ATP2A1: variants seen among roughly 807,000 people sequenced by gnomAD.
The protein encoded by ATP2A1 is sarcoplasmic/endoplasmic reticulum calcium ATPase 1.
ATP2A1 carries 83 observed loss-of-function variants against 109.5 expected under a neutral mutation model. The ratio of observed to expected loss-of-function variants is 0.76; its 90% CI spans 0.63 to 0.91. The LOEUF (loss-of-function observed/expected upper bound fraction) is 0.91. ATP2A1 is among the 40% of genes least tolerant of loss of function. ATP2A1 has a pLI of 0.00. For synonymous variants in ATP2A1, 505 were observed against 537.6 expected (o/e 0.94, Z 0.84); for missense variants, 1,101 against 1,341.0 (o/e 0.82, Z 2.80).
chr16:28,882,559 A>G lies in ATP2A1; in HGVS notation c.433A>G (p.Ile145Val), dbSNP rs1307339770. 1.9e-6 allele frequency: 3 copies of G among 1,614,230 alleles called. No individual in the cohort carries two copies. Among genetic ancestry groups the G allele is most frequent in the Admixed American group, 1.7e-5 (1 of 60,038 alleles). The change falls in exon 5 of 23, where the codon ATC becomes GTC. Residue 145 changes from isoleucine to valine, a missense_variant. Coordinates refer to ENST00000395503, the MANE Select transcript of ATP2A1 (RefSeq NM_004320.6). Reference protein sequence around the residue: ...KSVQRIKARDIVPGDIVEVAV... With the variant: ...KSVQRIKARDVVPGDIVEVAV... ...AGTGCAAAGGATCAAGGCTCGGGAC[A>G]TCGTCCCTGGGGACATCGTGGAGGT...
intron 9 of ATP2A1, among the ~76,000 whole-genome samples, chr16:28,893,824 AT>A (rs1486666766): frequency 4.0e-5 from 6 of 151,628 alleles, no homozygotes; most frequent in Non-Finnish European, 8.8e-5. Flanking sequence ...TAATTTTTGT[AT>A]TTTTAGTAGA....
At chr16:28,882,676 G>A in intron 5 of ATP2A1, 87 bp downstream of exon 5, 1 of 1,567,926 alleles carries the variant, frequency 6.4e-7, no homozygotes, top group Non-Finnish European at 8.7e-7. Context: ...CTCGGATCCA[G>A]GTGTCCAGGA....
At chr16:28,879,160 C>T (rs554670861) in intron 2 of ATP2A1, 44 bp downstream of exon 2, 1 of 1,610,174 alleles carries the variant, frequency 6.2e-7, no homozygotes, top group Non-Finnish European at 8.5e-7. Flanking sequence ...GACCACCCCC[C>T]ACCCCGCCCT....
In ATP2A1 at chr16:28,878,534, G is replaced by T; in HGVS notation, c.-138G>T. 1 of 812,082 alleles carries T rather than the reference G, an allele frequency of 1.2e-6. No individual in the cohort carries two copies. The allele number at this position is 812,082 out of a possible 1,614,324, so 50.3% of individuals were successfully genotyped here. Reference sequence around the variant, plus strand: ...GGGGGTCAGAGCTTTGTGGAGGGAAGAAAAACCTGGAGGGGGCAGGAGAGT... The same window carrying T: ...GGGGGTCAGAGCTTTGTGGAGGGAATAAAAACCTGGAGGGGGCAGGAGAGT... On this transcript the variant is annotated 5_prime_UTR_variant, in exon 1 of 23. Coordinates refer to ENST00000395503, the MANE Select transcript of ATP2A1 (RefSeq NM_004320.6).
chr16:28,893,055 G>T (rs950657717), intron 9 of ATP2A1, among the ~76,000 whole-genome samples: 104 of 149,202 alleles, frequency 7.0e-4, no homozygotes, highest in African/African-American at 2.3e-3. Flanking sequence ...AAAAAGAATT[G>T]CCCATATATT....
intron 6 of ATP2A1, among the ~76,000 whole-genome samples, chr16:28,886,762 G>A (rs148212699): frequency 0.051 from 7,694 of 151,008 alleles, 675 homozygotes; most frequent in African/African-American, 0.18. Context: ...TGAGGTGGGC[G>A]GATCACTTGA....
Position 28,887,608 on chromosome 16 carries a change from T to C in ATP2A1, c.814T>C (p.Trp272Arg). The change falls in exon 8 of 23, where the codon TGG becomes CGG. Residue 272 changes from tryptophan (W) to arginine (R), a missense_variant. Physicochemically the swap from Trp to Arg is moderately radical, Grantham distance 101 (BLOSUM62 -3). Transcript: ENST00000395503. ...CATCTCCCTCATCTGTGTGGCTGTC[T>C]GGCTTATCAACATTGGCCACTTCAA... is the stretch of plus-strand genomic sequence containing the variant. ...KVISLICVAV[W>R]LINIGHFNDP... 1.2e-6 allele frequency: 2 copies of C among 1,614,144 alleles called. No individual in the cohort carries two copies. Among genetic ancestry groups the C allele is most frequent in the Non-Finnish European group, 1.7e-6 (2 of 1,180,016 alleles).
chr16:28,886,751 C>A (rs1206163421), intron 6 of ATP2A1, among the ~76,000 whole-genome samples: 1 of 150,846 alleles, frequency 6.6e-6, no homozygotes, highest in Non-Finnish European at 1.5e-5. Flanking sequence ...CTTTGGGAGG[C>A]TGAGGTGGGC....
At position 28,903,254 on chromosome 16, in the gene ATP2A1, G is replaced by A; in HGVS notation, c.2863-69G>A. The A allele has an allele frequency of 1.3e-6, 2 of 1,572,410 alleles. No homozygotes were observed. The highest frequency in any genetic ancestry group is 8.7e-7 in the Non-Finnish European group (1 of 1,142,924). ...CCGATGTGGGAGGCTGGTGGGAGTGGGCTGGGCAGTGCTGGTCTCTGGCTC... is the reference window on the plus strand; with the variant it reads ...CCGATGTGGGAGGCTGGTGGGAGTGAGCTGGGCAGTGCTGGTCTCTGGCTC... On this transcript the variant is annotated intron_variant, in intron 20 of 22. Transcript: ENST00000395503. The surrounding 1 kb of genome is among the most constrained non-coding windows in gnomAD (Gnocchi z 5.6).
In ATP2A1 at chr16:28,880,937, G is replaced by T; in HGVS notation, c.242G>T (p.Gly81Val). The T allele has an allele frequency of 1.2e-6, 2 of 1,614,222 alleles. No individual in the cohort carries two copies. The highest frequency in any genetic ancestry group is 1.1e-5 in the South Asian group (1 of 91,084). The change falls in exon 4 of 23, where the codon GGT (glycine) becomes GTT (valine). Residue 81 changes from glycine to valine, a missense_variant. Gly to Val is a moderately radical substitution (Grantham distance 109). Coordinates refer to ENST00000395503, the MANE Select transcript of ATP2A1 (RefSeq NM_004320.6). The surrounding 1 kb of genome is among the most constrained non-coding windows in gnomAD (Gnocchi z 4.2). The stretch of plus-strand genomic sequence containing the variant: ...CAGGTGCTGGCCTGGTTTGAGGAAG[G>T]TGAAGAGACCATCACTGCCTTTGTT... ...ISFVLAWFEE[G>V]EETITAFVEP...
At chr16:28,879,762 C>G (rs993853708) in intron 3 of ATP2A1, 179 bp downstream of exon 3, 5 of 769,314 alleles carry the variant, frequency 6.5e-6, no homozygotes, top group Non-Finnish European at 1.1e-5. Flanking sequence ...TCCCCTGCAC[C>G]CCAGAGGCAG....
At chr16:28,894,634 G>GCTCA (rs1596678114) in intron 11 of ATP2A1, 27 bp downstream of exon 11, 1 of 1,612,682 alleles carries the variant, frequency 6.2e-7, no homozygotes, top group Non-Finnish European at 8.5e-7. Flanking sequence ...CTTCCAGTTG[G>GCTCA]CTCAGAGTCT....
At chr16:28,891,883 T>C (rs1313474914) in intron 9 of ATP2A1, among the ~76,000 whole-genome samples, 1 of 149,806 alleles carries the variant, frequency 6.7e-6, no homozygotes, top group East Asian at 2.0e-4. Context: ...CAAAAAATAA[T>C]AATAATAAAA....
intron 9 of ATP2A1, chr16:28,892,396 TG>T (rs983673356): frequency 2.6e-6 from 1 of 379,788 alleles, no homozygotes; most frequent in Non-Finnish European, 5.3e-6. Context: ...TAGAAATTGC[TG>T]TTCTGAGAAG....
rs972494690 is a variant in ATP2A1 at position 28,902,073 on chromosome 16, G to T, written c.2311G>T (p.Glu771Ter). The part of the protein sequence containing the change: ...IRYLISSNVG[E>*]VVCIFLTAAL... ...CTACCTCATTTCCTCCAACGTGGGC[G>T]AGGTGGTCTGGTGAGCAGCTGGGTG... The change falls in exon 16 of 23, where the codon GAG becomes TAG. Residue 771 changes from glutamate (E) to a stop codon, truncating the protein, a stop_gained. Transcript: ENST00000395503. LOFTEE classifies it high-confidence loss of function. The surrounding 1 kb of genome is among the most constrained non-coding windows in gnomAD (Gnocchi z 4.8). 4 of 1,614,116 alleles carry T rather than the reference G, an allele frequency of 2.5e-6. No homozygotes were observed. The highest frequency in any genetic ancestry group is 3.4e-6 in the Non-Finnish European group (4 of 1,180,046).
At chr16:28,882,993 G>A (rs999605015) in intron 5 of ATP2A1, among the ~76,000 whole-genome samples, 2 of 152,234 alleles carry the variant, frequency 1.3e-5, no homozygotes, top group South Asian at 2.1e-4. Flanking sequence ...GCCTCTCAAA[G>A]GGGAAGGAGC....
At chr16:28,896,033 G>A (rs770904082) in intron 12 of ATP2A1, among the ~76,000 whole-genome samples, 9 of 152,060 alleles carry the variant, frequency 5.9e-5, no homozygotes, top group Non-Finnish European at 1.0e-4. Flanking sequence ...TGATCACAGC[G>A]CACTGCAGCC....
chr16:28,879,834 G>A (rs1596660358), intron 3 of ATP2A1: 2 of 622,742 alleles, frequency 3.2e-6, no homozygotes, highest in East Asian at 3.4e-5. Context: ...CACCCTCGCG[G>A]CTTCAAGAGC....
intron 2 of ATP2A1, 94 bp downstream of exon 2, chr16:28,879,210 C>A: frequency 6.8e-7 from 1 of 1,471,452 alleles, no homozygotes; most frequent in Non-Finnish European, 9.5e-7. Flanking sequence ...ATTCTTTGAG[C>A]AAATATCCCT....
Sources: allele counts gnomAD v4.1 joint callset (sites outside exome capture counted in the v4.1 genomes callset), GRCh38; gene constraint gnomAD v4.1.1; non-coding constraint Gnocchi (gnomAD v3.1); transcripts MANE v1.5; gene names NCBI Gene and HGNC (gene_info 2026-07-23, HGNC 2026-07-21).